Variants in LITAFD observed in about 807,000 individuals in gnomAD.
LITAFD encodes LITAF domain containing.
chr16:8,883,889 A>AC, intron 2 of LITAFD, among the ~76,000 whole-genome samples: 1 of 152,192 alleles, frequency 6.6e-6, no homozygotes, highest in South Asian at 2.1e-4. Flanking sequence ...ACATGGCAAA[A>AC]CCCCATCTCT....
intron 2 of LITAFD, 31 bp downstream of exon 2, chr16:8,883,317 G>A (rs2061550170): frequency 6.6e-6 from 1 of 152,470 alleles, no homozygotes; most frequent in African/African-American, 2.4e-5. Context: ...GCCTTCCCTT[G>A]TCGCTTTCTG....
chr16:8,883,980 G>C (rs1393604007), intron 2 of LITAFD, among the ~76,000 whole-genome samples: 2 of 152,068 alleles, frequency 1.3e-5, no homozygotes, highest in Non-Finnish European at 2.9e-5. Flanking sequence ...CAGGAGAATC[G>C]CTTGAACCCG....
At chr16:8,883,705 C>T (rs1376633570) in intron 2 of LITAFD, among the ~76,000 whole-genome samples, 1 of 152,176 alleles carries the variant, frequency 6.6e-6, no homozygotes, top group Non-Finnish European at 1.5e-5. Context: ...AGGCAGTCTC[C>T]AGATTCAGAA....
Position 8,884,476 on chromosome 16 carries a change from G to A in LITAFD, c.110+11G>A, listed in dbSNP as rs566090798. The A allele has an allele frequency of 7.4e-5, 13 of 175,738 alleles. No individual in the cohort carries two copies. Among genetic ancestry groups the A allele is most frequent in the South Asian group, 2.0e-4 (1 of 5,082 alleles). 10.9% of individuals were successfully genotyped at this position (175,738 alleles called of 1,614,324 possible). A position where few individuals can be genotyped will look rare whatever the true frequency, so the allele number is the denominator to read the frequency against. ...CCTCTTCCTGTTCGGGTGAGTGGCC[G>A]CCCCTCCGCCGCTGCAGAGGCCTGA... On this transcript the variant is annotated intron_variant, in intron 3 of 3. Coordinates refer to ENST00000636296, the Ensembl canonical transcript of LITAFD.
At chr16:8,883,610 C>G (rs962380636) in intron 2 of LITAFD, among the ~76,000 whole-genome samples, 1 of 152,016 alleles carries the variant, frequency 6.6e-6, no homozygotes, top group Non-Finnish European at 1.5e-5. Flanking sequence ...CACACCACCC[C>G]TCAGGCCACA....
intron 3 of LITAFD, 28 bp downstream of exon 3, chr16:8,884,493 G>T: frequency 2.6e-6 from 1 of 389,358 alleles, no homozygotes; most frequent in East Asian, 3.6e-5. Context: ...CGCCGCTGCA[G>T]AGGCCTGAGC....
intron 1 of LITAFD, among the ~76,000 whole-genome samples, chr16:8,882,960 C>T (rs536989368): frequency 5.7e-4 from 87 of 152,234 alleles, no homozygotes; most frequent in Non-Finnish European, 1.1e-3. Flanking sequence ...CTCGGCATCC[C>T]GAGTAGCTGG....
chr16:8,885,287 C>T (rs113313261), exon 4 of LITAFD: 6 of 399,028 alleles, frequency 1.5e-5, no homozygotes, highest in East Asian at 3.6e-5. Context: ...CTACTACCAC[C>T]GCCTGTGAGC....
intron 3 of LITAFD, 95 bp from the exon 4 acceptor site, chr16:8,885,092 C>G (rs551744206): frequency 1.0e-5 from 4 of 399,216 alleles, no homozygotes; most frequent in South Asian, 2.5e-4. Flanking sequence ...CACACACGCC[C>G]AGGCCCCTCC....
chr16:8,884,006 A>G (rs1231406988), intron 2 of LITAFD, among the ~76,000 whole-genome samples: 1 of 152,170 alleles, frequency 6.6e-6, no homozygotes, highest in South Asian at 2.1e-4. Context: ...CGGAGGTTGC[A>G]GTGAGCTGAG....
exon 3 of LITAFD, chr16:8,884,401 A>G: frequency 2.5e-6 from 1 of 399,022 alleles, no homozygotes; most frequent in Non-Finnish European, 4.4e-6. Flanking sequence ...CCGCATCATC[A>G]CGGTGACGAC....
chr16:8,885,030 G>A (rs917130400), intron 3 of LITAFD, 157 bp from the exon 4 acceptor site: 15 of 398,838 alleles, frequency 3.8e-5, no homozygotes, highest in East Asian at 1.8e-4. Flanking sequence ...CCAAGATCAC[G>A]CCACTGCACT....
chr16:8,883,733 T>C (rs1047124818), intron 2 of LITAFD, among the ~76,000 whole-genome samples: 3 of 152,142 alleles, frequency 2.0e-5, no homozygotes, highest in African/African-American at 7.2e-5. Context: ...GTTGGATAGA[T>C]TCCTGGAGGG....
exon 1 of LITAFD, chr16:8,882,360 C>T (rs1423037025): frequency 6.5e-6 from 1 of 152,754 alleles, no homozygotes; most frequent in East Asian, 1.9e-4. Context: ...CAGGTGTGGC[C>T]CCAGCTCCTC....
rs763835522 is a variant in LITAFD, at chr16:8,885,177, G to A, written c.111-10G>A. 11 of 399,148 alleles carry A rather than the reference G, an allele frequency of 2.8e-5. No individual in the cohort carries two copies. The highest frequency in any genetic ancestry group is 6.2e-4 in the Middle Eastern group (1 of 1,612). 24.7% of individuals were successfully genotyped at this position (399,148 alleles called of 1,614,324 possible). On this transcript the variant is annotated splice_polypyrimidine_tract_variant and intron_variant, in intron 3 of 3. Transcript: ENST00000636296. ...CCCGCTCACGCCCAGCCTCCGCTCC[G>A]GGGCTGCAGGTACGTCCTGGGCTGC... is the stretch of plus-strand genomic sequence containing the variant.
Position 8,884,596 on chromosome 16 carries a change from G to A in LITAFD, c.110+131G>A, listed in dbSNP as rs541168144. ...CAAGCATAGGGGAGGCCAGTTGGGTGGGGCCATTACCTCCTTGAGAGGAGG... is the reference window on the plus strand; with the variant it reads ...CAAGCATAGGGGAGGCCAGTTGGGTAGGGCCATTACCTCCTTGAGAGGAGG... On this transcript the variant is annotated intron_variant, in intron 3 of 3. Coordinates refer to ENST00000636296, the Ensembl canonical transcript of LITAFD. 3 of 397,234 alleles carry A rather than the reference G, an allele frequency of 7.6e-6. No homozygotes were observed. In the East Asian group the frequency reaches 1.1e-4, roughly 14 times the overall value. 24.6% of individuals were successfully genotyped at this position (397,234 alleles called of 1,614,324 possible). A position where few individuals can be genotyped will look rare whatever the true frequency, so the allele number is the denominator to read the frequency against.
intron 2 of LITAFD, 39 bp from the exon 3 acceptor site, chr16:8,884,284 C>T (rs1167583166): frequency 3.0e-5 from 12 of 398,642 alleles, no homozygotes; most frequent in Non-Finnish European, 4.4e-5. Context: ...GTCCTGGCCC[C>T]GGGGGGTCCC....
intron 3 of LITAFD, among the ~76,000 whole-genome samples, chr16:8,884,848 G>A (rs539845365): frequency 6.6e-6 from 1 of 152,280 alleles, no homozygotes; most frequent in South Asian, 2.1e-4. Flanking sequence ...ACTTTGGGAG[G>A]CCGAGGTGGG....
At chr16:8,884,497 C>T (rs1208970343) in intron 3 of LITAFD, 32 bp downstream of exon 3, 1 of 398,122 alleles carries the variant, frequency 2.5e-6, no homozygotes, top group African/African-American at 2.1e-5. Context: ...GCTGCAGAGG[C>T]CTGAGCATTG....
Sources: allele counts gnomAD v4.1 joint callset (sites outside exome capture counted in the v4.1 genomes callset), GRCh38; gene constraint gnomAD v4.1.1; transcripts MANE v1.5; gene names NCBI Gene and HGNC (gene_info 2026-07-23, HGNC 2026-07-21).